MKX: variants seen among roughly 807,000 people sequenced by gnomAD.
MKX encodes mohawk homeobox, also known as homeobox protein Mohawk.
A neutral mutation model predicts 36.0 loss-of-function variants in MKX; 13 were observed. The ratio of observed to expected loss-of-function variants is 0.36; its 90% CI spans 0.24 to 0.57. The LOEUF (loss-of-function observed/expected upper bound fraction) is 0.57, where lower values mean the gene tolerates loss of function less well. Ranked by LOEUF, MKX falls within the 20% of genes least tolerant of loss-of-function variation. The pLI, the probability that MKX is intolerant of heterozygous loss-of-function variation, is 0.79. For synonymous variants in MKX, 176 were observed against 178.3 expected, an observed-to-expected ratio of 0.99 and a Z score of 0.10; for missense variants, 458 against 456.4, an observed-to-expected ratio of 1.00 and a Z score of -0.03.
intron 5 of MKX, among the ~76,000 whole-genome samples, chr10:27,709,555 G>A (rs560117799): frequency 2.6e-4 from 39 of 152,308 alleles, no homozygotes; most frequent in Admixed American, 1.6e-3. Flanking sequence ...AGCAAAACAA[G>A]GGTGAGCTGA....
chr10:27,675,325 C>T lies in MKX; in HGVS notation c.963G>A (p.Lys321=), dbSNP rs1299258738. The change falls in exon 7 of 7, where the codon AAG becomes AAA. Residue 321 remains lysine (K), a synonymous_variant. Coordinates refer to ENST00000419761, the MANE Select transcript of MKX (RefSeq NM_173576.3). ...AMALTNLAQG[K]DKLQGTTSCI... is the part of the protein sequence containing the mutation. ...AGCTGGTAGTTCCCTGCAGTTTGTC[C>T]TTTCCCTGTGCAAGATTTGTTAAGG... 1 of 1,614,218 alleles carries T rather than the reference C, an allele frequency of 6.2e-7. No homozygotes were observed. Among genetic ancestry groups the T allele is most frequent in the Non-Finnish European group, 8.5e-7 (1 of 1,180,046 alleles).
intron 5 of MKX, among the ~76,000 whole-genome samples, chr10:27,699,611 TACAAATAAACA>T (rs565969188): frequency 2.2e-4 from 34 of 152,196 alleles, no homozygotes; most frequent in Admixed American, 2.1e-3. Flanking sequence ...ACCCACAAAA[TACAAATAAACA>T]ACAACAAAAA....
At chr10:27,696,765 A>G (rs1836561974) in intron 5 of MKX, among the ~76,000 whole-genome samples, 1 of 152,068 alleles carries the variant, frequency 6.6e-6, no homozygotes, top group African/African-American at 2.4e-5. Context: ...CATCCTACGT[A>G]TATCACCCAC....
chr10:27,722,836 C>T (rs1366498765), intron 5 of MKX, among the ~76,000 whole-genome samples: 4 of 152,072 alleles, frequency 2.6e-5, no homozygotes, highest in Admixed American at 2.6e-4. Flanking sequence ...TGAGAGACAA[C>T]GTGAGGTCAA....
At position 27,741,963 on chromosome 10, in the gene MKX, T is replaced by G. The variant is rs1834909135; in HGVS notation, c.189-459A>C. ...GCTCCCAGAGGCTTTCCGTCGCTTG[T>G]GGTCAGGGGAAAGGTCGCCGACTGG... On this transcript the variant is annotated intron_variant, in intron 2 of 6. Transcript: ENST00000419761. The surrounding 1 kb of genome is among the most constrained non-coding windows in gnomAD (Gnocchi z 5.1). Among the ~76,000 whole-genome samples, 1 of 151,984 alleles carries G rather than the reference T, an allele frequency of 6.6e-6. No homozygotes were observed. Among genetic ancestry groups the G allele is most frequent in the African/African-American group, 2.4e-5 (1 of 41,396 alleles).
chr10:27,718,498 C>A, intron 5 of MKX: 1 of 353,556 alleles, frequency 2.8e-6, no homozygotes, highest in Non-Finnish European at 5.7e-6. Context: ...AATAATTTTG[C>A]TTGAAGGAAA....
At chr10:27,684,359 T>C (rs1010130955) in intron 5 of MKX, among the ~76,000 whole-genome samples, 12 of 151,956 alleles carry the variant, frequency 7.9e-5, no homozygotes, top group Non-Finnish European at 1.2e-4. Context: ...CACACACACA[T>C]ATATAAATAT....
rs1159613732 is a variant in MKX, at chr10:27,675,029, T to G, written c.*200A>C. 1.4e-5 allele frequency: 7 copies of G among 487,320 alleles called. No homozygotes were observed. Among genetic ancestry groups the G allele is most frequent in the Non-Finnish European group, 2.5e-5 (7 of 280,262 alleles). 30.2% of individuals were successfully genotyped at this position (487,320 alleles called of 1,614,324 possible). A position where few individuals can be genotyped will look rare whatever the true frequency, so the allele number is the denominator to read the frequency against. On this transcript the variant is annotated 3_prime_UTR_variant, in exon 7 of 7. Coordinates refer to ENST00000419761, the MANE Select transcript of MKX (RefSeq NM_173576.3). ...TATGCATAGTTTGAGTAACATAAAATAAGTTAATATTTTTGATTAAAATGA... is the reference window on the plus strand; with the variant it reads ...TATGCATAGTTTGAGTAACATAAAAGAAGTTAATATTTTTGATTAAAATGA...
chr10:27,734,395 G>C (rs1834700930), intron 5 of MKX, 61 bp downstream of exon 5: 3 of 1,380,094 alleles, frequency 2.2e-6, no homozygotes, highest in Non-Finnish European at 3.0e-6. Flanking sequence ...TCCCTCTGAT[G>C]CAGTTTTAAT....
rs368324914 is a variant in MKX at position 27,739,686 on chromosome 10, A to G, written c.348+1659T>C. 7.9e-5 allele frequency among the ~76,000 whole-genome samples: 12 copies of G among 152,306 alleles called. No individual in the cohort carries two copies. In the East Asian group the frequency reaches 9.6e-4, roughly 12 times the overall value. The stretch of plus-strand genomic sequence containing the variant: ...ACAAATGCTACTTCATAATTTAAAA[A>G]TGTCCTAAAATATGTCATCAATGTT... On this transcript the variant is annotated intron_variant, in intron 3 of 6. Transcript: ENST00000419761.
rs1834939218 is a variant in MKX, at chr10:27,742,888, T to TC, written c.188+339dup. ...TCTCTGCACCGAGCTCAGTCCTTTT[T>TC]CCTCGCCCTCAGCCGCGCACCGGCA... On this transcript the variant is annotated intron_variant, in intron 2 of 6. Transcript: ENST00000419761. The surrounding 1 kb of genome is among the most constrained non-coding windows in gnomAD (Gnocchi z 4.2). 6.6e-6 allele frequency among the ~76,000 whole-genome samples: 1 copy of TC among 152,106 alleles called. No individual in the cohort carries two copies. The highest frequency in any genetic ancestry group is 6.5e-5 in the Admixed American group (1 of 15,282).
chr10:27,733,182 A>C (rs1834670934), intron 5 of MKX, among the ~76,000 whole-genome samples: 1 of 152,174 alleles, frequency 6.6e-6, no homozygotes, highest in African/African-American at 2.4e-5. Flanking sequence ...ATGCAAAGAG[A>C]AAATGAGGTT....
chr10:27,736,863 A>T (rs1392291069), intron 3 of MKX, among the ~76,000 whole-genome samples: 1 of 152,154 alleles, frequency 6.6e-6, no homozygotes, highest in Admixed American at 6.5e-5. Flanking sequence ...ATATGCAATG[A>T]CATATTATCT....
intron 5 of MKX, among the ~76,000 whole-genome samples, chr10:27,686,057 G>T (rs1163514622): frequency 6.6e-6 from 1 of 152,128 alleles, no homozygotes; most frequent in African/African-American, 2.4e-5. Flanking sequence ...TAAAACTTTG[G>T]CATGACAGGA....
intron 5 of MKX, among the ~76,000 whole-genome samples, chr10:27,727,086 C>T (rs1834508065): frequency 6.6e-6 from 1 of 152,192 alleles, no homozygotes; most frequent in Non-Finnish European, 1.5e-5. Flanking sequence ...AATTTGCCCA[C>T]ATTCAGCCAA....
At chr10:27,694,527 A>AAAAATATATATATATATATAT (rs547670335) in intron 5 of MKX, among the ~76,000 whole-genome samples, 6 of 114,334 alleles carry the variant, frequency 5.2e-5, no homozygotes, top group African/African-American at 2.0e-4. Context: ...AAAAAAAAAA[A>AAAAATATATATATATATATAT]ATATATATAT....
At chr10:27,725,076 TA>T (rs1471001559) in intron 5 of MKX, among the ~76,000 whole-genome samples, 1 of 152,164 alleles carries the variant, frequency 6.6e-6, no homozygotes, top group Non-Finnish European at 1.5e-5. Context: ...CAAAAACCGT[TA>T]GACTTACTGT....
rs563654598 is a variant in MKX, at chr10:27,699,239, T to TA, written c.839-23686dup. ...TCCATCTTTTACCAAAGTTCTCACTTAAAGTCCCACCTTTTGACATGAAAT... is the reference window on the plus strand; with the variant it reads ...TCCATCTTTTACCAAAGTTCTCACTTAAAAGTCCCACCTTTTGACATGAAAT... On this transcript the variant is annotated intron_variant, in intron 5 of 6. Coordinates refer to ENST00000419761, the MANE Select transcript of MKX (RefSeq NM_173576.3). 1.7e-3 allele frequency among the ~76,000 whole-genome samples: 255 copies of TA among 152,332 alleles called. 1 individual carries two copies. The highest frequency in any genetic ancestry group is 5.8e-3 in the African/African-American group (242 of 41,590).
intron 5 of MKX, among the ~76,000 whole-genome samples, chr10:27,698,680 T>C (rs1174003933): frequency 1.3e-5 from 2 of 152,210 alleles, no homozygotes; most frequent in Non-Finnish European, 2.9e-5. Context: ...TGTGGTGTTT[T>C]CAGGACCTTC....
Sources: allele counts gnomAD v4.1 joint callset (sites outside exome capture counted in the v4.1 genomes callset), GRCh38; gene constraint gnomAD v4.1.1; non-coding constraint Gnocchi (gnomAD v3.1); transcripts MANE v1.5; gene names NCBI Gene and HGNC (gene_info 2026-07-23, HGNC 2026-07-21).